Variants in CRADD observed in about 807,000 individuals in gnomAD.
The protein encoded by CRADD is CARD and death domain containing adaptor protein.
A neutral mutation model predicts 15.5 loss-of-function variants in CRADD; 9 were observed. The ratio of observed to expected loss-of-function variants is 0.58; its 90% CI spans 0.35 to 1.01. The LOEUF (loss-of-function observed/expected upper bound fraction) is 1.01. Among genes scored for constraint, CRADD ranks in the 50% least tolerant of loss-of-function variants. The pLI, the probability that CRADD is intolerant of heterozygous loss-of-function variation, is 0.02. For missense variants in CRADD, 227 were observed against 250.3 expected (o/e 0.91, Z 0.63); for synonymous variants, 118 against 107.6 (o/e 1.10, Z -0.60).
chr12:93,853,492 A>G (rs1958245014), downstream of CRADD, among the ~76,000 whole-genome samples: 1 of 152,272 alleles, frequency 6.6e-6, no homozygotes, highest in Non-Finnish European at 1.5e-5. Context: ...AAAAGATGAC[A>G]ATAAGTATAG....
chr12:93,784,463 G>A (rs1389440698), intron 2 of CRADD, among the ~76,000 whole-genome samples: 1 of 152,034 alleles, frequency 6.6e-6, no homozygotes, highest in Non-Finnish European at 1.5e-5. Flanking sequence ...AACCCAGGCC[G>A]TCTGACCCCT....
At chr12:93,770,689 C>T (rs189652260) in intron 2 of CRADD, among the ~76,000 whole-genome samples, 107 of 152,314 alleles carry the variant, frequency 7.0e-4, no homozygotes, top group African/African-American at 2.3e-3. Context: ...ATAACACATA[C>T]TTTGATTACT....
intron 2 of CRADD, among the ~76,000 whole-genome samples, chr12:93,720,486 C>A (rs1363090247): frequency 1.3e-5 from 2 of 152,104 alleles, no homozygotes; most frequent in African/African-American, 4.8e-5. Context: ...TTTTTGCCTG[C>A]TAGATATGCC....
chr12:93,687,828 G>A (rs140825112), intron 2 of CRADD, among the ~76,000 whole-genome samples: 1 of 152,198 alleles, frequency 6.6e-6, no homozygotes, highest in South Asian at 2.1e-4. Context: ...CATACAGGGG[G>A]TGATGCTGCT....
At chr12:93,720,848 T>C (rs1387810051) in intron 2 of CRADD, among the ~76,000 whole-genome samples, 1 of 152,218 alleles carries the variant, frequency 6.6e-6, no homozygotes, top group East Asian at 1.9e-4. Context: ...GGGTTTTGTT[T>C]TTTGATCTAC....
At chr12:93,892,392 A>G (rs778398204) in intron 2 of CRADD, among the ~76,000 whole-genome samples, 1 of 152,156 alleles carries the variant, frequency 6.6e-6, no homozygotes, top group Non-Finnish European at 1.5e-5. Flanking sequence ...CAGTGCCCCC[A>G]CTGATCTCAC....
At chr12:93,686,229 A>AGGTGGAGG (rs1469431439) in intron 2 of CRADD, among the ~76,000 whole-genome samples, 5 of 132,946 alleles carry the variant, frequency 3.8e-5, no homozygotes, top group Admixed American at 1.7e-4. Flanking sequence ...TGAACTCAGG[A>AGGTGGAGG]GGTGGAGGTT....
intron 2 of CRADD, chr12:93,859,321 T>C: frequency 2.2e-6 from 1 of 456,018 alleles, no homozygotes; most frequent in South Asian, 1.5e-5. Context: ...TGTTATAGGG[T>C]GTTGGCCATG....
intron 2 of CRADD, among the ~76,000 whole-genome samples, chr12:93,779,115 G>A (rs970500444): frequency 1.3e-5 from 2 of 152,038 alleles, no homozygotes; most frequent in African/African-American, 2.4e-5. Context: ...TATCAAAATC[G>A]CCACAGCCAA....
In CRADD at chr12:93,678,674, GTGCT is replaced by G; in HGVS notation, c.-6-92_-6-89del. On this transcript the variant is annotated intron_variant, in intron 1 of 2. Transcript: ENST00000332896. Reference sequence around the variant, plus strand: ...TGGCAGTCTGCTATGGTTTAAAGATGTGCTTGACCTGAAGGAACTTACATTGCAG... The same window carrying G: ...TGGCAGTCTGCTATGGTTTAAAGATGTGACCTGAAGGAACTTACATTGCAG... The G allele has an allele frequency of 3.0e-6, 4 of 1,327,432 alleles. No individual in the cohort carries two copies. In the Admixed American group the frequency reaches 9.3e-5, roughly 31 times the overall value. The allele number at this position is 1,327,432 out of a possible 1,614,324, so 82.2% of individuals were successfully genotyped here. A position where few individuals can be genotyped will look rare whatever the true frequency, so the allele number is the denominator to read the frequency against.
At chr12:93,693,695 A>G (rs1158479323) in intron 2 of CRADD, among the ~76,000 whole-genome samples, 1 of 151,928 alleles carries the variant, frequency 6.6e-6, no homozygotes, top group Non-Finnish European at 1.5e-5. Flanking sequence ...TACCCAGATA[A>G]AAAAAGTAAT....
At chr12:93,697,686 A>C (rs1373257493) in intron 2 of CRADD, among the ~76,000 whole-genome samples, 1 of 152,210 alleles carries the variant, frequency 6.6e-6, no homozygotes, top group Non-Finnish European at 1.5e-5. Context: ...TAGGGGAGGA[A>C]AAATCTCTTT....
At chr12:93,689,804 T>C (rs1955525062) in intron 2 of CRADD, among the ~76,000 whole-genome samples, 1 of 152,170 alleles carries the variant, frequency 6.6e-6, no homozygotes, top group East Asian at 1.9e-4. Context: ...CTGTGGGTGC[T>C]GAGTAGTAAT....
intron 2 of CRADD, among the ~76,000 whole-genome samples, chr12:93,829,635 CT>C (rs1957867267): frequency 6.6e-6 from 1 of 152,088 alleles, no homozygotes; most frequent in African/African-American, 2.4e-5. Flanking sequence ...TGGATGGGCT[CT>C]TTTATTTGCT....
intron 2 of CRADD, among the ~76,000 whole-genome samples, chr12:93,759,028 T>C (rs1493848): frequency 0.35 from 53,819 of 152,042 alleles, 10,928 homozygotes; most frequent in East Asian, 0.61. Flanking sequence ...TAAGAAACAT[T>C]CTACTAAGAA....
chr12:93,754,832 C>G (rs902786359), intron 2 of CRADD, among the ~76,000 whole-genome samples: 2 of 152,174 alleles, frequency 1.3e-5, no homozygotes, highest in African/African-American at 4.8e-5. Context: ...CAACCTCTGC[C>G]TGTTACCCAG....
At chr12:93,848,455 G>A (rs778139767) in intron 2 of CRADD, among the ~76,000 whole-genome samples, 54 of 152,218 alleles carry the variant, frequency 3.5e-4, no homozygotes, top group Non-Finnish European at 5.6e-4. Flanking sequence ...TGAGCATGAA[G>A]TAGACTGACC....
chr12:93,716,047 G>C (rs914473761), intron 2 of CRADD, among the ~76,000 whole-genome samples: 1 of 151,536 alleles, frequency 6.6e-6, no homozygotes, highest in Non-Finnish European at 1.5e-5. Flanking sequence ...CATGAGAATC[G>C]CTTGAATCCA....
intron 2 of CRADD, among the ~76,000 whole-genome samples, chr12:93,829,904 G>A (rs1957871927): frequency 1.3e-5 from 2 of 152,162 alleles, no homozygotes; most frequent in Non-Finnish European, 2.9e-5. Context: ...TGTTGGCAGG[G>A]TGGTCCTGAA....
Sources: allele counts gnomAD v4.1 joint callset (sites outside exome capture counted in the v4.1 genomes callset), GRCh38; gene constraint gnomAD v4.1.1; transcripts MANE v1.5; gene names NCBI Gene and HGNC (gene_info 2026-07-23, HGNC 2026-07-21).